The following SQOR variants were observed in gnomAD, a reference collection of about 807,000 sequenced individuals.
The protein encoded by SQOR is sulfide quinone oxidoreductase.
SQOR carries 39 observed loss-of-function variants against 48.6 expected under a neutral mutation model. The ratio of observed to expected loss-of-function variants is 0.80; its 90% CI spans 0.62 to 1.05. The LOEUF (loss-of-function observed/expected upper bound fraction) is 1.05. Ranked by LOEUF, SQOR falls within the 50% of genes least tolerant of loss-of-function variation. The pLI is 0.00. For synonymous variants in SQOR, 220 were observed against 206.2 expected, an observed-to-expected ratio of 1.07 and a Z score of -0.57; for missense variants, 561 against 559.9, an observed-to-expected ratio of 1.00 and a Z score of -0.02.
At chr15:45,643,438 G>A (rs776602929) in intron 1 of SQOR, among the ~76,000 whole-genome samples, 3 of 152,056 alleles carry the variant, frequency 2.0e-5, no homozygotes, top group Non-Finnish European at 2.9e-5. Flanking sequence ...CTCATGATCC[G>A]CCTGCCTCAG....
chr15:45,690,435 G>T lies in SQOR; in HGVS notation c.1296-538G>T, dbSNP rs551831090. ...AAACCCATATGAGAGAGAAATCTGG[G>T]TGTCTACATCAGTGGTCCTGAACCA... On this transcript the variant is annotated intron_variant, in intron 9 of 9. Coordinates refer to ENST00000260324, the MANE Select transcript of SQOR (RefSeq NM_021199.4). 3.5e-3 allele frequency among the ~76,000 whole-genome samples: 540 copies of T among 152,266 alleles called. 3 individuals carry two copies. The highest frequency in any genetic ancestry group is 4.2e-3 in the Non-Finnish European group (287 of 68,016).
intron 1 of SQOR, among the ~76,000 whole-genome samples, chr15:45,656,958 C>A (rs1889622519): frequency 6.6e-6 from 1 of 151,968 alleles, no homozygotes. Context: ...GCACACACCA[C>A]CACGCCTGGC....
At chr15:45,673,137 G>A (rs1889972861) in intron 4 of SQOR, among the ~76,000 whole-genome samples, 1 of 152,186 alleles carries the variant, frequency 6.6e-6, no homozygotes, top group Non-Finnish European at 1.5e-5. Context: ...TGGTATGTGG[G>A]ATCCTAAAGT....
chr15:45,690,929 A>G (rs1173261824), intron 9 of SQOR, 44 bp from the exon 10 acceptor site: 9 of 1,561,168 alleles, frequency 5.8e-6, no homozygotes, highest in Non-Finnish European at 8.0e-6. Flanking sequence ...AAGTCGCCCC[A>G]TCTCTCTTGC....
chr15:45,665,896 A>T (rs1889808299), intron 3 of SQOR, among the ~76,000 whole-genome samples: 1 of 152,002 alleles, frequency 6.6e-6, no homozygotes, highest in African/African-American at 2.4e-5. Context: ...TTCCATTCTT[A>T]GTTTACACTT....
intron 2 of SQOR, 127 bp downstream of exon 2, chr15:45,659,284 C>T: frequency 2.8e-6 from 2 of 708,812 alleles, no homozygotes; most frequent in South Asian, 6.6e-5. Context: ...CAGGTTAGGG[C>T]TTCTCCTGGG....
At position 45,669,750 on chromosome 15, in the gene SQOR, T is replaced by C. The variant is rs548747696; in HGVS notation, c.406-178T>C. On this transcript the variant is annotated intron_variant, in intron 3 of 9. Coordinates refer to ENST00000260324, the MANE Select transcript of SQOR (RefSeq NM_021199.4). Reference sequence around the variant, plus strand: ...GCCCCAAGACATTCAGATTAAAAAATGGGAACCTGGGCAGGACTCCCAACC... The same window carrying C: ...GCCCCAAGACATTCAGATTAAAAAACGGGAACCTGGGCAGGACTCCCAACC... 1.4e-4 allele frequency among the ~76,000 whole-genome samples: 21 copies of C among 152,242 alleles called. 1 individual carries two copies. The South Asian group carries it at 4.2e-3, about 30-fold the overall frequency.
intron 6 of SQOR, among the ~76,000 whole-genome samples, chr15:45,677,245 A>G (rs768911765): frequency 2.0e-5 from 3 of 151,132 alleles, no homozygotes; most frequent in Non-Finnish European, 2.9e-5. Context: ...GCCTTTGTCT[A>G]TCTATCTATC....
At chr15:45,631,198 A>C (rs1410993635), upstream of SQOR, 2 of 179,868 alleles carry the variant, frequency 1.1e-5, no homozygotes, top group African/African-American at 4.8e-5. Context: ...GCCTCCCTCC[A>C]TGATTCTGAG....
chr15:45,674,499 A>G (rs1246648710), intron 5 of SQOR, among the ~76,000 whole-genome samples: 1 of 152,122 alleles, frequency 6.6e-6, no homozygotes, highest in East Asian at 1.9e-4. Context: ...ATATTTCCAT[A>G]TAGTTAGACA....
chr15:45,642,672 C>T (rs968855290), intron 1 of SQOR, among the ~76,000 whole-genome samples: 1 of 152,194 alleles, frequency 6.6e-6, no homozygotes, highest in Non-Finnish European at 1.5e-5. Flanking sequence ...AGTGATTCTC[C>T]TTTCAAAATC....
chr15:45,655,889 G>A (rs1193208977), intron 1 of SQOR, among the ~76,000 whole-genome samples: 24 of 151,710 alleles, frequency 1.6e-4, no homozygotes, highest in Admixed American at 1.5e-3. Flanking sequence ...ATTTCACCAT[G>A]TTGGCCAGGA....
intron 7 of SQOR, 23 bp from the exon 8 acceptor site, chr15:45,688,314 T>A: frequency 4.5e-6 from 7 of 1,558,884 alleles, no homozygotes; most frequent in Non-Finnish European, 6.1e-6. Flanking sequence ...TACATTTTTC[T>A]GACTTTCCCA....
chr15:45,673,976 C>T, intron 5 of SQOR, 175 bp downstream of exon 5: 1 of 664,478 alleles, frequency 1.5e-6, no homozygotes, highest in Non-Finnish European at 2.5e-6. Flanking sequence ...GAAAATCACT[C>T]ATGATCCAAT....
chr15:45,682,741 G>T, intron 7 of SQOR, 80 bp downstream of exon 7: 1 of 1,523,022 alleles, frequency 6.6e-7, no homozygotes, highest in Non-Finnish European at 8.9e-7. Flanking sequence ...CACAAGCTTG[G>T]CATCGGCCAG....
At chr15:45,650,519 A>G (rs1310349384) in intron 1 of SQOR, among the ~76,000 whole-genome samples, 1 of 152,168 alleles carries the variant, frequency 6.6e-6, no homozygotes, top group Admixed American at 6.5e-5. Flanking sequence ...AGCAAGATTT[A>G]TGGCAAAGAG....
intron 6 of SQOR, among the ~76,000 whole-genome samples, chr15:45,680,485 C>T (rs528789004): frequency 1.3e-5 from 2 of 152,130 alleles, no homozygotes; most frequent in Admixed American, 1.3e-4. Flanking sequence ...CATCTTGGCT[C>T]ACTGCAACCC....
At chr15:45,651,760 T>C (rs1484371592) in intron 1 of SQOR, among the ~76,000 whole-genome samples, 3 of 151,440 alleles carry the variant, frequency 2.0e-5, no homozygotes, top group Non-Finnish European at 4.4e-5. Flanking sequence ...TGAGCCACCG[T>C]ACCCGGCCTT....
chr15:45,671,421 G>T (rs1419376599), intron 4 of SQOR, among the ~76,000 whole-genome samples: 1 of 152,146 alleles, frequency 6.6e-6, no homozygotes, highest in Non-Finnish European at 1.5e-5. Flanking sequence ...GCCTCTCAAA[G>T]TGCTGGGATT....
Sources: gnomAD v4.1 joint callset for allele counts (sites outside exome capture counted in the v4.1 genomes callset) on GRCh38, gnomAD v4.1.1 for gene constraint, MANE v1.5 for transcripts, NCBI Gene and HGNC (gene_info 2026-07-23, HGNC 2026-07-21) for gene names.